The following HYAL4 variants were observed in gnomAD, a reference collection of about 807,000 sequenced individuals.
The protein encoded by HYAL4 is hyaluronidase-4.
A neutral mutation model predicts 35.2 loss-of-function variants in HYAL4; 37 were observed. The observed-to-expected ratio is 1.05, with a 90% CI of 0.81 to 1.38. The LOEUF is 1.38. Among genes scored for constraint, HYAL4 ranks in the 40% most tolerant of loss-of-function variants. The probability of loss-of-function intolerance (pLI) is 0.00; values close to 1 mark genes in which losing one functional copy is unlikely to be tolerated. For synonymous variants in HYAL4, 198 were observed against 203.2 expected, an observed-to-expected ratio of 0.97 and a Z score of 0.22; for missense variants, 572 against 572.4, an observed-to-expected ratio of 1.00 and a Z score of 0.01.
the HYAL4 span, among the ~76,000 whole-genome samples, chr7:123,798,510 A>G: frequency 2.0e-5 from 3 of 152,258 alleles, no homozygotes; most frequent in Admixed American, 2.0e-4. Flanking sequence ...ATCTCTAAAA[A>G]TGGATAATCA....
At chr7:123,833,658 A>G (rs1805918418) in intron 1 of HYAL4, among the ~76,000 whole-genome samples, 1 of 151,964 alleles carries the variant, frequency 6.6e-6, no homozygotes, top group Admixed American at 6.5e-5. Flanking sequence ...TCCTTGCCTA[A>G]GTCAATGTCT....
intron 2 of HYAL4, among the ~76,000 whole-genome samples, chr7:123,860,436 T>G (rs1366804206): frequency 6.6e-6 from 1 of 152,166 alleles, no homozygotes; most frequent in Non-Finnish European, 1.5e-5. Flanking sequence ...TTCCTTTCTT[T>G]GAAAAATGGC....
At chr7:123,770,642 C>G in the HYAL4 span, among the ~76,000 whole-genome samples, 1 of 151,802 alleles carries the variant, frequency 6.6e-6, no homozygotes, top group Non-Finnish European at 1.5e-5. Flanking sequence ...CTCAGGGGAG[C>G]ATTAGTCATG....
intron 1 of HYAL4, among the ~76,000 whole-genome samples, chr7:123,835,790 C>T (rs71574763): frequency 0.067 from 10,161 of 152,136 alleles, 509 homozygotes; most frequent in Admixed American, 0.16. Flanking sequence ...TATTGCCATT[C>T]GGTTCAAAAA....
chr7:123,847,503 A>G lies in HYAL4; in HGVS notation c.-121-586A>G, dbSNP rs570195177. Among the ~76,000 whole-genome samples, 13 of 152,200 alleles carry G rather than the reference A, an allele frequency of 8.5e-5. No individual in the cohort carries two copies. In the Middle Eastern group the frequency reaches 0.01, roughly 119 times the overall value. ...TTAATAATACATGCTTTAGGCCTGGAGCGGTGGTTTACGCCTGTAATCCCA... is the reference window on the plus strand; with the variant it reads ...TTAATAATACATGCTTTAGGCCTGGGGCGGTGGTTTACGCCTGTAATCCCA... On this transcript the variant is annotated intron_variant, in intron 1 of 4. Coordinates refer to ENST00000223026, the MANE Select transcript of HYAL4 (RefSeq NM_012269.3).
chr7:123,807,036 G>A, the HYAL4 span, among the ~76,000 whole-genome samples: 4 of 152,104 alleles, frequency 2.6e-5, no homozygotes, highest in East Asian at 1.9e-4. Context: ...TTACATTACT[G>A]CATACAATTT....
At chr7:123,808,734 G>T in the HYAL4 span, among the ~76,000 whole-genome samples, 7 of 152,094 alleles carry the variant, frequency 4.6e-5, no homozygotes, top group African/African-American at 7.2e-5. Context: ...ATAAACAACA[G>T]AAATTTATTT....
upstream of HYAL4, among the ~76,000 whole-genome samples, chr7:123,827,521 GTCTTTCTTAGAAACCTCC>G (rs1562989927): frequency 6.6e-6 from 1 of 151,214 alleles, no homozygotes; most frequent in African/African-American, 2.4e-5. Context: ...ATTTTATTGT[GTCTTTCTTAGAAACCTCC>G]TCAGATGCCT....
Position 123,874,761 on chromosome 7 carries a change from C to T in HYAL4, c.955C>T (p.Gln319Ter). ...RDEPLFFLSK[Q>*]DLVSTIGESA... ...ATGAACTCTACTGTCTTCAATCTAG[C>T]AAGATCTAGTCAGCACCATAGGAGA... Residue 319 changes from glutamine to a stop codon, truncating the protein, a stop_gained and splice_region_variant, in exon 4 of 5, where the codon CAA (glutamine) becomes TAA (stop). Coordinates refer to ENST00000223026, the MANE Select transcript of HYAL4 (RefSeq NM_012269.3). LOFTEE classifies it high-confidence loss of function. The T allele has an allele frequency of 1.3e-6, 2 of 1,579,182 alleles. No individual in the cohort carries two copies. The highest frequency in any genetic ancestry group is 1.1e-5 in the South Asian group (1 of 90,346).
chr7:123,795,796 A>G, the HYAL4 span, among the ~76,000 whole-genome samples: 3 of 152,216 alleles, frequency 2.0e-5, no homozygotes, highest in African/African-American at 7.2e-5. Context: ...TGAAGTTGTA[A>G]GTATGACTGG....
intron 1 of HYAL4, among the ~76,000 whole-genome samples, chr7:123,836,415 T>A (rs973122679): frequency 6.6e-6 from 1 of 152,206 alleles, no homozygotes; most frequent in South Asian, 2.1e-4. Context: ...TCACTTTTAG[T>A]GTCCATTTGC....
chr7:123,868,350 T>G lies in HYAL4; in HGVS notation c.77T>G (p.Phe26Cys), dbSNP rs1806752636. ...PVHLTSWLLI[F>C]FILKSISCLK... ...CATCTCACTTCATGGCTCCTTATATTTTTTATTCTAAAGTCTATCTCTTGT... is the reference window on the plus strand; with the variant it reads ...CATCTCACTTCATGGCTCCTTATATGTTTTATTCTAAAGTCTATCTCTTGT... Residue 26 changes from phenylalanine to cysteine, a missense_variant, in exon 3 of 5, where the codon TTT becomes TGT. Coordinates refer to ENST00000223026, the MANE Select transcript of HYAL4 (RefSeq NM_012269.3). 1 of 1,602,540 alleles carries G rather than the reference T, an allele frequency of 6.2e-7. No homozygotes were observed. Among genetic ancestry groups the G allele is most frequent in the Non-Finnish European group, 8.5e-7 (1 of 1,177,126 alleles).
chr7:123,869,042 G>T lies in HYAL4; in HGVS notation c.769G>T (p.Ala257Ser). Residue 257 changes from alanine (A) to serine (S), a missense_variant, in exon 3 of 5, where the codon GCT becomes TCT. Ala to Ser is a moderately conservative substitution (Grantham distance 99). Transcript: ENST00000223026. ...CTCTTGGCTCTGGAACAGCAGTGCT[G>T]CTTTATATCCTTCTATCGGTGTCTG... ...ELSWLWNSSAALYPSIGVWKS... is the reference protein window; with the variant it reads ...ELSWLWNSSASLYPSIGVWKS... 1 of 1,614,208 alleles carries T rather than the reference G, an allele frequency of 6.2e-7. No individual in the cohort carries two copies. Among genetic ancestry groups the T allele is most frequent in the Non-Finnish European group, 8.5e-7 (1 of 1,180,036 alleles).
At chr7:123,781,909 A>C in the HYAL4 span, among the ~76,000 whole-genome samples, 1 of 152,068 alleles carries the variant, frequency 6.6e-6, no homozygotes, top group African/African-American at 2.4e-5. Context: ...TAATTCCTTT[A>C]TGAAGCTTTT....
At chr7:123,856,566 C>G (rs943987594) in intron 2 of HYAL4, among the ~76,000 whole-genome samples, 1 of 152,162 alleles carries the variant, frequency 6.6e-6, no homozygotes, top group Non-Finnish European at 1.5e-5. Flanking sequence ...CCTCTGGAAG[C>G]TTTATCCCAA....
At chr7:123,857,677 C>CTTTGTTTGTTTGTTTG (rs1400897639) in intron 2 of HYAL4, among the ~76,000 whole-genome samples, 4 of 78,848 alleles carry the variant, frequency 5.1e-5, no homozygotes, top group African/African-American at 1.9e-4. Context: ...TTGTTTCTTT[C>CTTTGTTTGTTTGTTTG]TTTCTTTCTT....
intron 4 of HYAL4, among the ~76,000 whole-genome samples, 170 bp downstream of exon 4, chr7:123,875,020 G>A (rs776098997): frequency 5.9e-5 from 9 of 152,210 alleles, no homozygotes; most frequent in Non-Finnish European, 1.2e-4. Flanking sequence ...TATAAAGATA[G>A]TAATCATAAC....
At chr7:123,781,615 C>T in the HYAL4 span, among the ~76,000 whole-genome samples, 1 of 152,108 alleles carries the variant, frequency 6.6e-6, no homozygotes, top group Non-Finnish European at 1.5e-5. Flanking sequence ...CACGTATGCA[C>T]TTGAAATGTG....
At chr7:123,795,966 C>T in the HYAL4 span, among the ~76,000 whole-genome samples, 1 of 152,146 alleles carries the variant, frequency 6.6e-6, no homozygotes, top group East Asian at 1.9e-4. Context: ...GACAGAGACA[C>T]ATAGGATAAG....
Sources: gnomAD v4.1 joint callset for allele counts (sites outside exome capture counted in the v4.1 genomes callset) on GRCh38, gnomAD v4.1.1 for gene constraint, MANE v1.5 for transcripts, NCBI Gene and HGNC (gene_info 2026-07-23, HGNC 2026-07-21) for gene names.